Variants in GPRC5A observed in about 807,000 individuals in gnomAD.
GPRC5A encodes retinoic acid-induced protein 3.
In GPRC5A, 19 loss-of-function variants were observed where a neutral mutation model predicts 22.5. That is an observed-to-expected ratio of 0.85 (90% CI 0.59 to 1.24). GPRC5A has a LOEUF of 1.24. GPRC5A is among the 50% of genes most tolerant of loss of function. The pLI is 0.00. For synonymous variants in GPRC5A, 192 were observed against 184.5 expected (o/e 1.04, Z -0.33); for missense variants, 471 against 451.1 (o/e 1.04, Z -0.40).
intron 2 of GPRC5A, among the ~76,000 whole-genome samples, chr12:12,910,287 A>G (rs1428176919): frequency 6.6e-6 from 1 of 152,120 alleles, no homozygotes. Context: ...GGAAGTCTGA[A>G]GGGAGGCGGA....
intron 1 of GPRC5A, among the ~76,000 whole-genome samples, chr12:12,896,003 A>G (rs1863819626): frequency 7.1e-6 from 1 of 140,212 alleles, no homozygotes; most frequent in South Asian, 2.4e-4. Context: ...ACAAAAAAAA[A>G]AAAAAAAAAA....
chr12:12,896,537 C>T (rs763264790), intron 1 of GPRC5A, among the ~76,000 whole-genome samples: 2 of 152,134 alleles, frequency 1.3e-5, no homozygotes, highest in Non-Finnish European at 2.9e-5. Flanking sequence ...GGTAGAAATA[C>T]GAGGATTAAC....
chr12:12,900,265 T>C (rs1353129329), intron 1 of GPRC5A, among the ~76,000 whole-genome samples: 2 of 152,202 alleles, frequency 1.3e-5, no homozygotes, highest in African/African-American at 2.4e-5. Context: ...TGACAGGAGA[T>C]GGGGCAAGAA....
intron 1 of GPRC5A, among the ~76,000 whole-genome samples, chr12:12,900,891 C>CAAAAAAAAAAAAAAAAAAAAAAAA (rs756416857): frequency 4.6e-5 from 1 of 21,680 alleles, no homozygotes; most frequent in African/African-American, 1.7e-4. Context: ...AACTCCGTCT[C>CAAAAAAAAAAAAAAAAAAAAAAAA]AAAAAAAAAA....
chr12:12,892,752 C>T (rs577645959), intron 1 of GPRC5A, among the ~76,000 whole-genome samples: 1 of 152,326 alleles, frequency 6.6e-6, no homozygotes, highest in African/African-American at 2.4e-5. Flanking sequence ...CTTTCCATTC[C>T]TGACTTCTTT....
chr12:12,911,687 A>C (rs1042297689), intron 2 of GPRC5A, among the ~76,000 whole-genome samples: 1 of 151,796 alleles, frequency 6.6e-6, no homozygotes, highest in African/African-American at 2.4e-5. Context: ...ATGGGGTTTC[A>C]CCTTGTTAGC....
At chr12:12,899,797 A>G (rs529550170) in intron 1 of GPRC5A, among the ~76,000 whole-genome samples, 70 of 152,310 alleles carry the variant, frequency 4.6e-4, no homozygotes, top group African/African-American at 1.7e-3. Context: ...AAAGTCACAC[A>G]TTTTCAGGGC....
intron 1 of GPRC5A, among the ~76,000 whole-genome samples, chr12:12,904,187 G>C (rs571034452): frequency 6.6e-6 from 1 of 152,168 alleles, no homozygotes; most frequent in Admixed American, 6.5e-5. Flanking sequence ...CCACATTCAC[G>C]GTGTAGCCTG....
At chr12:12,905,649 G>C (rs533578132) in intron 1 of GPRC5A, among the ~76,000 whole-genome samples, 21 of 152,286 alleles carry the variant, frequency 1.4e-4, no homozygotes, top group Non-Finnish European at 2.5e-4. Context: ...CCTGTTTTGA[G>C]GAAATGGGGA....
chr12:12,900,901 A>AC lies in GPRC5A; in HGVS notation c.-7-7342_-7-7341insC, dbSNP rs1012893080. On this transcript the variant is annotated intron_variant, in intron 1 of 3. Coordinates refer to ENST00000014914, the MANE Select transcript of GPRC5A (RefSeq NM_003979.4). ...GTAAAAACTCCGTCTCAAAAAAAAA[A>AC]AAAAAAAAAAAACAAAAAAAAAACA... 9.8e-5 allele frequency among the ~76,000 whole-genome samples: 13 copies of AC among 132,490 alleles called. 1 individual carries two copies. Among genetic ancestry groups the AC allele is most frequent in the Non-Finnish European group, 2.0e-4 (13 of 65,068 alleles). The allele number at this position is 132,490 out of a possible 152,430, so 86.9% of individuals were successfully genotyped here. A position where few individuals can be genotyped will look rare whatever the true frequency, so the allele number is the denominator to read the frequency against.
intron 1 of GPRC5A, among the ~76,000 whole-genome samples, chr12:12,893,841 C>A (rs904734610): frequency 6.6e-6 from 1 of 152,150 alleles, no homozygotes; most frequent in Non-Finnish European, 1.5e-5. Flanking sequence ...GAAACCTCTG[C>A]CTCCCGGTTT....
chr12:12,912,327 G>C (rs1864013712), intron 3 of GPRC5A, 120 bp from the exon 4 acceptor site: 6 of 848,306 alleles, frequency 7.1e-6, no homozygotes, highest in Admixed American at 1.8e-5. Flanking sequence ...GGCATAGAGA[G>C]GACTTGGGGG....
intron 1 of GPRC5A, among the ~76,000 whole-genome samples, chr12:12,907,017 G>A (rs1410229959): frequency 2.6e-5 from 4 of 151,330 alleles, no homozygotes; most frequent in African/African-American, 9.7e-5. Flanking sequence ...TTGTGCCATT[G>A]CACTCCAGCC....
intron 1 of GPRC5A, among the ~76,000 whole-genome samples, chr12:12,900,904 A>C (rs12300596): frequency 0.011 from 1,381 of 125,064 alleles, 24 homozygotes; most frequent in Non-Finnish European, 0.015. Flanking sequence ...AAAAAAAAAA[A>C]AAAAAAAAAC....
Position 12,914,598 on chromosome 12 carries a change from C to CTTTCTT in GPRC5A, c.*2060_*2061insTTCTTT, listed in dbSNP as rs1565466605. 50 of 11,908 alleles carry CTTTCTT rather than the reference C, an allele frequency of 4.2e-3. No homozygotes were observed. The highest frequency in any genetic ancestry group is 4.5e-3 in the Non-Finnish European group (22 of 4,912). The allele number at this position is 11,908 out of a possible 1,614,324, so 0.7% of individuals were successfully genotyped here. A position where few individuals can be genotyped will look rare whatever the true frequency, so the allele number is the denominator to read the frequency against. ...TTTCTTTCTTTCTTTCTTTCTTTCTCTCTCTCTCTCTCTCTCTCTTTCTTT... is the reference window on the plus strand; with the variant it reads ...TTTCTTTCTTTCTTTCTTTCTTTCTCTTTCTTTCTCTCTCTCTCTCTCTCTTTCTTT... On this transcript the variant is annotated 3_prime_UTR_variant, in exon 4 of 4. Transcript: ENST00000014914.
intron 1 of GPRC5A, among the ~76,000 whole-genome samples, chr12:12,895,100 T>C (rs987079958): frequency 8.5e-5 from 13 of 152,184 alleles, no homozygotes; most frequent in Admixed American, 7.9e-4. Context: ...ATCTTCAGTG[T>C]AGAGCATCCC....
At chr12:12,894,642 C>T (rs1863801211) in intron 1 of GPRC5A, among the ~76,000 whole-genome samples, 1 of 152,062 alleles carries the variant, frequency 6.6e-6, no homozygotes, top group Admixed American at 6.6e-5. Flanking sequence ...CTCCTGGGCT[C>T]AAGCAATCTT....
chr12:12,897,150 C>T (rs935300516), intron 1 of GPRC5A, among the ~76,000 whole-genome samples: 1 of 145,048 alleles, frequency 6.9e-6, no homozygotes, highest in Non-Finnish European at 1.5e-5. Context: ...TCGCTTTAAC[C>T]TGAGAGGCAG....
At chr12:12,905,037 A>G (rs1863927404) in intron 1 of GPRC5A, among the ~76,000 whole-genome samples, 1 of 152,060 alleles carries the variant, frequency 6.6e-6, no homozygotes, top group South Asian at 2.1e-4. Flanking sequence ...GGTGCGTGCC[A>G]CTATGCCTGG....
Sources: gnomAD v4.1 joint callset for allele counts (sites outside exome capture counted in the v4.1 genomes callset) on GRCh38, gnomAD v4.1.1 for gene constraint, MANE v1.5 for transcripts, NCBI Gene and HGNC (gene_info 2026-07-23, HGNC 2026-07-21) for gene names.